The following FBXL5 variants were observed in gnomAD, a reference collection of about 807,000 sequenced individuals.
The protein encoded by FBXL5 is F-box and leucine rich repeat protein 5, also known as F-box/LRR-repeat protein 5.
In FBXL5, 26 loss-of-function variants were observed where a neutral mutation model predicts 78.3. The ratio of observed to expected loss-of-function variants is 0.33; its 90% CI spans 0.24 to 0.46. The LOEUF (loss-of-function observed/expected upper bound fraction) is 0.46. Ranked by LOEUF, FBXL5 falls within the 20% of genes least tolerant of loss-of-function variation. The pLI is 1.00. For missense variants in FBXL5, 710 were observed against 829.2 expected, an observed-to-expected ratio of 0.86 and a Z score of 1.77; for synonymous variants, 295 against 282.5, an observed-to-expected ratio of 1.04 and a Z score of -0.45.
In FBXL5 at chr4:15,644,652, C is replaced by G; in HGVS notation, c.141G>C (p.Leu47Phe). The G allele has an allele frequency of 1.2e-6, 2 of 1,613,970 alleles. No homozygotes were observed. Among genetic ancestry groups the G allele is most frequent in the Non-Finnish European group, 1.7e-6 (2 of 1,179,968 alleles). The change falls in exon 2 of 11, where the codon TTG becomes TTC. Residue 47 changes from leucine (L) to phenylalanine (F), a missense_variant. By Grantham distance (22) the Leu-to-Phe change is conservative (BLOSUM62 0). Coordinates refer to ENST00000341285, the MANE Select transcript of FBXL5 (RefSeq NM_012161.4). ...TTTTGAACTCCTTGAAAGTAGCATA[C>G]AAAGACTGCAGAAGAGCACGGAAAT... Reference protein sequence around the residue: ...NNDFRALLQSLYATFKEFKMH... With the variant: ...NNDFRALLQSFYATFKEFKMH...
intron 9 of FBXL5, among the ~76,000 whole-genome samples, chr4:15,614,010 A>G (rs1044759643): frequency 2.6e-5 from 4 of 152,088 alleles, no homozygotes; most frequent in African/African-American, 9.7e-5. Context: ...GTGTTAAACA[A>G]CCTTGTTTTG....
Position 15,605,621 on chromosome 4 carries a change from G to T in FBXL5, c.*102C>A. The T allele has an allele frequency of 1.1e-6, 1 of 918,056 alleles. No individual in the cohort carries two copies. The highest frequency in any genetic ancestry group is 1.7e-6 in the Non-Finnish European group (1 of 588,154). The allele number at this position is 918,056 out of a possible 1,614,324, so 56.9% of individuals were successfully genotyped here. A position where few individuals can be genotyped will look rare whatever the true frequency, so the allele number is the denominator to read the frequency against. ...AAGAAATGGGGCCAAAACAAGTCAC[G>T]CTCAAAAAGGGATGGTTAACACAAG... On this transcript the variant is annotated 3_prime_UTR_variant, in exon 11 of 11. Transcript: ENST00000341285.
chr4:15,671,629 G>T (rs1466063072), intron 1 of FBXL5, among the ~76,000 whole-genome samples: 1 of 151,826 alleles, frequency 6.6e-6, no homozygotes, highest in Non-Finnish European at 1.5e-5. Flanking sequence ...TGAATCTGTG[G>T]GTTTATGGTT....
intron 1 of FBXL5, among the ~76,000 whole-genome samples, chr4:15,667,902 G>A (rs1717612274): frequency 2.0e-5 from 3 of 152,014 alleles, no homozygotes; most frequent in African/African-American, 7.2e-5. Context: ...TTAGCCAGGC[G>A]TGGTGGCGGG....
intron 1 of FBXL5, among the ~76,000 whole-genome samples, chr4:15,679,562 C>CAAAAAAAA (rs1202369624): frequency 3.0e-4 from 28 of 93,856 alleles, no homozygotes; most frequent in East Asian, 1.1e-3. Flanking sequence ...AGTTCAGGAA[C>CAAAAAAAA]AAAAAAAAAA....
upstream of FBXL5, among the ~76,000 whole-genome samples, chr4:15,658,536 A>G (rs1459726071): frequency 6.6e-6 from 1 of 152,134 alleles, no homozygotes; most frequent in Non-Finnish European, 1.5e-5. Flanking sequence ...GTGGCTTTAC[A>G]AGAGGAAGAA....
intron 2 of FBXL5, among the ~76,000 whole-genome samples, chr4:15,643,400 A>G (rs1274532516): frequency 6.6e-6 from 1 of 152,268 alleles, no homozygotes; most frequent in Non-Finnish European, 1.5e-5. Flanking sequence ...AACTAAGATC[A>G]AATTTCAAAA....
At chr4:15,641,757 T>G in intron 2 of FBXL5, 1 of 361,942 alleles carries the variant, frequency 2.8e-6, no homozygotes, top group Non-Finnish European at 5.4e-6. Context: ...CCAGGCACGG[T>G]GGCTCATGCC....
chr4:15,674,638 G>C (rs1013223868), intron 1 of FBXL5, among the ~76,000 whole-genome samples: 2 of 149,336 alleles, frequency 1.3e-5, no homozygotes, highest in African/African-American at 4.9e-5. Context: ...GATTATCAAC[G>C]TTATGGGATT....
At chr4:15,621,502 C>T (rs1712476202) in intron 9 of FBXL5, among the ~76,000 whole-genome samples, 1 of 152,100 alleles carries the variant, frequency 6.6e-6, no homozygotes, top group Admixed American at 6.5e-5. Flanking sequence ...AAGGTGGAAA[C>T]AACCTCAGTG....
chr4:15,617,530 T>C (rs1389876895), intron 9 of FBXL5, among the ~76,000 whole-genome samples: 3 of 129,870 alleles, frequency 2.3e-5, no homozygotes, highest in East Asian at 4.3e-4. Context: ...CCCAACAGAG[T>C]GAGACTCCAT....
intron 5 of FBXL5, 22 bp from the exon 6 acceptor site, chr4:15,630,813 A>G: frequency 6.2e-7 from 1 of 1,611,440 alleles, no homozygotes; most frequent in Non-Finnish European, 8.5e-7. Context: ...ATAAACAAGT[A>G]AAAGGTTCAA....
chr4:15,639,596 C>CT (rs887070138), intron 3 of FBXL5, among the ~76,000 whole-genome samples: 1 of 152,092 alleles, frequency 6.6e-6, no homozygotes, highest in African/African-American at 2.4e-5. Flanking sequence ...GGAAACAAGG[C>CT]TTTTTTTGTT....
At chr4:15,618,903 C>G (rs987789098) in intron 9 of FBXL5, among the ~76,000 whole-genome samples, 4 of 152,176 alleles carry the variant, frequency 2.6e-5, no homozygotes, top group Non-Finnish European at 5.9e-5. Flanking sequence ...GGTGTGGTGG[C>G]TCATGCCTGT....
chr4:15,653,387 C>T (rs1261736499), intron 1 of FBXL5, among the ~76,000 whole-genome samples: 5 of 152,136 alleles, frequency 3.3e-5, no homozygotes, highest in African/African-American at 9.7e-5. Context: ...AGAAAAAGAG[C>T]GACTAACTTC....
chr4:15,627,131 C>T (rs68037177), intron 7 of FBXL5, among the ~76,000 whole-genome samples, 176 bp from the exon 8 acceptor site: 1,084 of 87,832 alleles, frequency 0.012, 72 homozygotes, highest in Non-Finnish European at 0.013. Context: ...CTGAGAATCT[C>T]TTTTTTTTTT....
chr4:15,616,097 T>G (rs1478639086), intron 9 of FBXL5, among the ~76,000 whole-genome samples: 2 of 151,624 alleles, frequency 1.3e-5, no homozygotes, highest in Non-Finnish European at 2.9e-5. Context: ...CGCGAAGGTC[T>G]GCAGCTTCAC....
Position 15,655,193 on chromosome 4 carries a change from C to A in FBXL5, c.84+11G>T, listed in dbSNP as rs762246368. On this transcript the variant is annotated intron_variant, in intron 1 of 10. Transcript: ENST00000341285. ...GCACCGCCCACAGCGGGAGGCTCAG[C>A]GCTCCGTTACCTTGTCGCAGTAGAG... 53 of 1,393,598 alleles carry A rather than the reference C, an allele frequency of 3.8e-5. No homozygotes were observed. Among genetic ancestry groups the A allele is most frequent in the Middle Eastern group, 4.4e-4 (2 of 4,502 alleles). 86.3% of individuals were successfully genotyped at this position (1,393,598 alleles called of 1,614,324 possible).
chr4:15,655,767 G>A (rs1243881141), upstream of FBXL5, among the ~76,000 whole-genome samples: 1 of 152,188 alleles, frequency 6.6e-6, no homozygotes, highest in Admixed American at 6.5e-5. Context: ...TGGCCTGGGT[G>A]ACCAATGCTT....
Sources: gnomAD v4.1 joint callset for allele counts (sites outside exome capture counted in the v4.1 genomes callset) on GRCh38, gnomAD v4.1.1 for gene constraint, MANE v1.5 for transcripts, NCBI Gene and HGNC (gene_info 2026-07-23, HGNC 2026-07-21) for gene names.